Variants in PCDHGA2 observed in about 807,000 individuals in gnomAD.
PCDHGA2 encodes the protein protocadherin gamma-A2.
Under a neutral mutation model 59.2 loss-of-function variants are expected in PCDHGA2, and 40 were observed. That is an observed-to-expected ratio of 0.68 (90% CI 0.52 to 0.88). The LOEUF (loss-of-function observed/expected upper bound fraction) is 0.88, where lower values mean the gene tolerates loss of function less well. PCDHGA2 is among the 40% of genes least tolerant of loss of function. The pLI, the probability that PCDHGA2 is intolerant of heterozygous loss-of-function variation, is 0.00. For missense variants in PCDHGA2, 1,226 were observed against 1,204.0 expected, an observed-to-expected ratio of 1.02 and a Z score of -0.27; for synonymous variants, 560 against 526.0, an observed-to-expected ratio of 1.06 and a Z score of -0.89.
At chr5:141,394,871 T>A in intron 1 of PCDHGA2, 1 of 1,613,814 alleles carries the variant, frequency 6.2e-7, no homozygotes, top group Non-Finnish European at 8.5e-7. Flanking sequence ...ACCCGAACGA[T>A]TCGAGCCTTA....
At position 141,418,260 on chromosome 5, in the gene PCDHGA2, G is replaced by C. The variant is rs144490159; in HGVS notation, c.2425-76547G>C. On this transcript the variant is annotated intron_variant, in intron 1 of 3. Transcript: ENST00000394576. Reference sequence around the variant, plus strand: ...GTTAATGACCACGCCCCTCAATTCCGGAAAGATGAAATAAACTTAGAAATC... The same window carrying C: ...GTTAATGACCACGCCCCTCAATTCCCGAAAGATGAAATAAACTTAGAAATC... 2.5e-6 allele frequency: 4 copies of C among 1,613,888 alleles called. No individual in the cohort carries two copies. Among genetic ancestry groups the C allele is most frequent in the South Asian group, 1.1e-5 (1 of 91,088 alleles).
At chr5:141,351,075 C>A (rs547501388) in intron 1 of PCDHGA2, 7 of 1,613,914 alleles carry the variant, frequency 4.3e-6, no homozygotes, top group Non-Finnish European at 5.9e-6. Context: ...GGCATTAATG[C>A]AGAGATCACC....
At chr5:141,418,594 C>A in intron 1 of PCDHGA2, 4 of 1,614,022 alleles carry the variant, frequency 2.5e-6, no homozygotes, top group Non-Finnish European at 3.4e-6. Context: ...TCAGCCAGGA[C>A]GTGTACAGGG....
At chr5:141,398,009 C>T (rs1589315775) in intron 1 of PCDHGA2, 2 of 1,400,564 alleles carry the variant, frequency 1.4e-6, no homozygotes, top group Non-Finnish European at 1.9e-6. Flanking sequence ...GAAAAAGAAT[C>T]GTTTCCTAAA....
Position 141,491,756 on chromosome 5 carries a change from C to T in PCDHGA2, c.2425-3051C>T. The T allele has an allele frequency of 1.3e-6, 2 of 1,581,720 alleles. No individual in the cohort carries two copies. Among genetic ancestry groups the T allele is most frequent in the Non-Finnish European group, 8.6e-7 (1 of 1,165,100 alleles). ...CCTGGGGGCGGCACTGGAGAAGCCG[C>T]CCGTCCTCATAAGGGATTGAACTTG... On this transcript the variant is annotated intron_variant, in intron 1 of 3. Coordinates refer to ENST00000394576, the MANE Select transcript of PCDHGA2 (RefSeq NM_018915.4). This position sits in a 1 kb window ranked among gnomAD's most constrained non-coding sequence, Gnocchi z 6.9.
chr5:141,441,810 C>A, intron 1 of PCDHGA2: 1 of 372,576 alleles, frequency 2.7e-6, no homozygotes. Context: ...GGTGCTGTAC[C>A]CCAGCTCTGG....
Position 141,490,629 on chromosome 5 carries a change from C to T in PCDHGA2, c.2425-4178C>T, listed in dbSNP as rs1174984711. 1.2e-6 allele frequency: 2 copies of T among 1,614,214 alleles called. No individual in the cohort carries two copies. Among genetic ancestry groups the T allele is most frequent in the East Asian group, 2.2e-5 (1 of 44,882 alleles). On this transcript the variant is annotated intron_variant, in intron 1 of 3. Coordinates refer to ENST00000394576, the MANE Select transcript of PCDHGA2 (RefSeq NM_018915.4). This position sits in a 1 kb window ranked among gnomAD's most constrained non-coding sequence, Gnocchi z 5.4. ...ACCAGCAGCTTTACACTGCTTACAT[C>T]CTAGAAAACCGGCCTCCGGGCTCCC...
At chr5:141,433,045 C>T (rs1183696623) in intron 1 of PCDHGA2, 1 of 1,614,196 alleles carries the variant, frequency 6.2e-7, no homozygotes, top group South Asian at 1.1e-5. Flanking sequence ...TCACCACGGA[C>T]TCGCGGAAGA....
At chr5:141,409,919 G>T (rs774277848) in intron 1 of PCDHGA2, 1 of 1,613,346 alleles carries the variant, frequency 6.2e-7, no homozygotes, top group Non-Finnish European at 8.5e-7. Context: ...TGACGGCTCC[G>T]CGTTCTTCGA....
At chr5:141,346,569 T>C (rs1232384051) in intron 1 of PCDHGA2, 14 of 1,420,892 alleles carry the variant, frequency 9.9e-6, no homozygotes, top group Non-Finnish European at 1.2e-5. Flanking sequence ...TCATTAGTCC[T>C]TTGACTAAAT....
At chr5:141,355,454 T>G in intron 1 of PCDHGA2, 3 of 1,614,066 alleles carry the variant, frequency 1.9e-6, no homozygotes, top group Middle Eastern at 1.6e-4. Flanking sequence ...GGCACCTTGG[T>G]CACCGCGGGT....
rs1332652972 is a variant in PCDHGA2, at chr5:141,432,381, C to T, written c.2425-62426C>T. On this transcript the variant is annotated intron_variant, in intron 1 of 3. Transcript: ENST00000394576. The surrounding 1 kb of genome is among the most constrained non-coding windows in gnomAD (Gnocchi z 6.0). ...ATGGCGCGGGACAACGGGCACCCGCCCCTCAGCAGCAACGTGTCGTTGAGC... is the reference window on the plus strand; with the variant it reads ...ATGGCGCGGGACAACGGGCACCCGCTCCTCAGCAGCAACGTGTCGTTGAGC... 1 of 1,614,256 alleles carries T rather than the reference C, an allele frequency of 6.2e-7. No homozygotes were observed. The highest frequency in any genetic ancestry group is 1.1e-5 in the South Asian group (1 of 91,082).
intron 1 of PCDHGA2, chr5:141,409,742 G>T (rs763304955): frequency 5.0e-6 from 8 of 1,612,988 alleles, no homozygotes; most frequent in African/African-American, 1.3e-5. Flanking sequence ...GAGCGGGGTG[G>T]TGTTCGCGCA....
At chr5:141,413,804 C>G in intron 1 of PCDHGA2, 1 of 1,613,194 alleles carries the variant, frequency 6.2e-7, no homozygotes, top group Non-Finnish European at 8.5e-7. Context: ...GAGGAAGAGG[C>G]CATTCACCAC....
At chr5:141,421,520 A>G (rs749034718) in intron 1 of PCDHGA2, 2 of 1,614,068 alleles carry the variant, frequency 1.2e-6, no homozygotes, top group Non-Finnish European at 8.5e-7. Flanking sequence ...GAGCTCTGTG[A>G]GACGGTGTCC....
At position 141,430,895 on chromosome 5, in the gene PCDHGA2, G is replaced by A. The variant is rs775296800; in HGVS notation, c.2425-63912G>A. 6.9e-6 allele frequency: 11 copies of A among 1,605,692 alleles called. No individual in the cohort carries two copies. The Admixed American group carries it at 1.0e-4, about 15-fold the overall frequency. ...AGAGCTGGAGAAAGGCTCTAGGGTG[G>A]GCGACATCTCCAGGGACCTGGGGCT... On this transcript the variant is annotated intron_variant, in intron 1 of 3. Coordinates refer to ENST00000394576, the MANE Select transcript of PCDHGA2 (RefSeq NM_018915.4).
At chr5:141,392,766 C>T (rs1196100164) in intron 1 of PCDHGA2, 1 of 1,488,966 alleles carries the variant, frequency 6.7e-7, no homozygotes. Flanking sequence ...AAATAAGACC[C>T]ATTTATGCAC....
rs201669321 is a variant in PCDHGA2, at chr5:141,375,837, G to A, written c.2424+34442G>A. The A allele has an allele frequency of 2.1e-5, 34 of 1,613,980 alleles. No individual in the cohort carries two copies. Among genetic ancestry groups the A allele is most frequent in the Non-Finnish European group, 2.6e-5 (31 of 1,180,040 alleles). Reference sequence around the variant, plus strand: ...CTGGCGCCCCGCTCCGCAGAGCCCGGCTACCTGGTGACCAAGGTGGTGGCG... The same window carrying A: ...CTGGCGCCCCGCTCCGCAGAGCCCGACTACCTGGTGACCAAGGTGGTGGCG... On this transcript the variant is annotated intron_variant, in intron 1 of 3. Coordinates refer to ENST00000394576, the MANE Select transcript of PCDHGA2 (RefSeq NM_018915.4).
intron 1 of PCDHGA2, chr5:141,352,334 T>A: frequency 6.2e-7 from 1 of 1,614,084 alleles, no homozygotes; most frequent in Non-Finnish European, 8.5e-7. Flanking sequence ...GGTTGTGGCC[T>A]TGGCCTTGAT....
Sources: gnomAD v4.1 joint callset for allele counts on GRCh38, gnomAD v4.1.1 for gene constraint, Gnocchi (gnomAD v3.1) non-coding constraint, MANE v1.5 for transcripts, NCBI Gene and HGNC (gene_info 2026-07-23, HGNC 2026-07-21) for gene names.